The following BID variants were observed in gnomAD, a reference collection of about 807,000 sequenced individuals.
BID encodes BH3 interacting domain death agonist, also known as BH3-interacting domain death agonist.
In BID, 19 loss-of-function variants were observed where a neutral mutation model predicts 17.4. That is an observed-to-expected ratio of 1.09 (90% CI 0.76 to 1.60). The LOEUF (loss-of-function observed/expected upper bound fraction) is 1.60. BID is among the 40% of genes most tolerant of loss of function. The pLI, the probability that BID is intolerant of heterozygous loss-of-function variation, is 0.00. For synonymous variants in BID, 108 were observed against 102.8 expected (o/e 1.05, Z -0.31); for missense variants, 226 against 256.0 (o/e 0.88, Z 0.80).
chr22:17,740,157 T>C, intron 3 of BID: 1 of 1,612,128 alleles, frequency 6.2e-7, no homozygotes, highest in Non-Finnish European at 8.5e-7. Context: ...CAGCACTTGC[T>C]GTGTTATTGT....
chr22:17,739,224 G>C, intron 4 of BID, 125 bp downstream of exon 4: 1 of 1,271,502 alleles, frequency 7.9e-7, no homozygotes. Context: ...TACTTCGTCA[G>C]AGTTCTGGAC....
At chr22:17,737,957 C>T in intron 5 of BID, 60 bp downstream of exon 5, 2 of 1,584,662 alleles carry the variant, frequency 1.3e-6, no homozygotes, top group Non-Finnish European at 1.7e-6. Context: ...GCTTCTCAAC[C>T]TTCCAGAGAA....
chr22:17,752,087 G>A (rs1255021155), intron 1 of BID, among the ~76,000 whole-genome samples: 1 of 152,138 alleles, frequency 6.6e-6, no homozygotes, highest in Non-Finnish European at 1.5e-5. Flanking sequence ...AGTGCCCACT[G>A]TCACCTCTGA....
At chr22:17,738,542 C>T (rs1217083896) in intron 4 of BID, among the ~76,000 whole-genome samples, 1 of 152,134 alleles carries the variant, frequency 6.6e-6, no homozygotes, top group Non-Finnish European at 1.5e-5. Context: ...TGACCACCTG[C>T]GACGCCTTAG....
chr22:17,739,338 CCCT>C lies in BID; in HGVS notation c.363+8_363+10del. On this transcript the variant is annotated splice_region_variant and intron_variant, in intron 4 of 5. Coordinates refer to ENST00000622694, the MANE Select transcript of BID (RefSeq NM_001196.4). ...CTTGCCCGCCCACGCGGTCCTCAGG[CCCT>C]CACTCACCTCCTCCGACCGGCTGGT... 5 of 1,577,446 alleles carry C rather than the reference CCCT, an allele frequency of 3.2e-6. No individual in the cohort carries two copies. The highest frequency in any genetic ancestry group is 4.3e-6 in the Non-Finnish European group (5 of 1,164,538).
At position 17,754,880 on chromosome 22, in the gene BID, T is replaced by C. The variant is rs1238282611; in HGVS notation, c.-58-4706A>G. 3.3e-5 allele frequency among the ~76,000 whole-genome samples: 5 copies of C among 152,176 alleles called. No homozygotes were observed. The East Asian group carries it at 9.7e-4, about 29-fold the overall frequency. ...CCCAGATTCTAGCGATTCTCCTGCC[T>C]TAGCCTCCTGAGTAACTGGGACTAC... On this transcript the variant is annotated intron_variant, in intron 1 of 5. Coordinates refer to ENST00000622694, the MANE Select transcript of BID (RefSeq NM_001196.4).
chr22:17,736,354 G>A lies in BID; in HGVS notation c.577-763C>T, dbSNP rs560667313. Among the ~76,000 whole-genome samples the A allele has an allele frequency of 6.6e-5, 10 of 152,104 alleles. No homozygotes were observed. In the East Asian group the frequency reaches 1.9e-3, roughly 29 times the overall value. On this transcript the variant is annotated intron_variant, in intron 5 of 5. Coordinates refer to ENST00000622694, the MANE Select transcript of BID (RefSeq NM_001196.4). ...TGCCTGTAATCCCAGCTTCTTGGGGGGCTGAGGCAGGAGAATCGCTTGAAC... is the reference window on the plus strand; with the variant it reads ...TGCCTGTAATCCCAGCTTCTTGGGGAGCTGAGGCAGGAGAATCGCTTGAAC...
intron 1 of BID, among the ~76,000 whole-genome samples, chr22:17,766,845 C>T (rs561517317): frequency 3.3e-5 from 5 of 152,142 alleles, no homozygotes; most frequent in Admixed American, 6.5e-5. Context: ...CTGCCTCAGC[C>T]TCCCAAAGTG....
At chr22:17,735,940 T>C (rs2061416414) in intron 5 of BID, among the ~76,000 whole-genome samples, 1 of 152,162 alleles carries the variant, frequency 6.6e-6, no homozygotes, top group Non-Finnish European at 1.5e-5. Flanking sequence ...ACATGGGTGT[T>C]GGTAAAAGCT....
intron 2 of BID, among the ~76,000 whole-genome samples, chr22:17,749,834 C>A (rs1422051181): frequency 6.6e-6 from 1 of 152,236 alleles, no homozygotes; most frequent in African/African-American, 2.4e-5. Context: ...AAACCCAAAG[C>A]CCCCTCGCCC....
At chr22:17,774,076 C>T in intron 1 of BID, 1 of 312,958 alleles carries the variant, frequency 3.2e-6, no homozygotes, top group South Asian at 3.0e-5. Flanking sequence ...TCCCCTGAAT[C>T]CCCAGGCCAC....
chr22:17,744,890 G>A (rs920978091), intron 2 of BID, among the ~76,000 whole-genome samples: 3 of 152,292 alleles, frequency 2.0e-5, no homozygotes, highest in African/African-American at 4.8e-5. Context: ...TGAGATCTGC[G>A]CAGATTCACA....
At position 17,750,139 on chromosome 22, in the gene BID, C is replaced by T. The variant is rs762745532; in HGVS notation, c.-23G>A. On this transcript the variant is annotated 5_prime_UTR_variant, in exon 2 of 6. Coordinates refer to ENST00000622694, the MANE Select transcript of BID (RefSeq NM_001196.4). Reference sequence around the variant, plus strand: ...CATGGCCTGGGCAGCGCGGCAGCTCCGACTCACTCCTGGTTCACAGTGTCC... The same window carrying T: ...CATGGCCTGGGCAGCGCGGCAGCTCTGACTCACTCCTGGTTCACAGTGTCC... 15 of 1,613,186 alleles carry T rather than the reference C, an allele frequency of 9.3e-6. No individual in the cohort carries two copies. In the African/African-American group the frequency reaches 1.1e-4, roughly 11 times the overall value.
intron 1 of BID, among the ~76,000 whole-genome samples, chr22:17,772,699 C>A (rs376928762): frequency 2.0e-5 from 3 of 152,182 alleles, no homozygotes; most frequent in African/African-American, 7.2e-5. Context: ...GGCTCCTGGG[C>A]AGACAGTTCC....
chr22:17,738,137 G>A lies in BID; in HGVS notation c.456C>T (p.Ala152=). The A allele has an allele frequency of 6.2e-7, 1 of 1,613,998 alleles. No individual in the cohort carries two copies. ...MEKEKTMLVL[A]LLLAKKVASH... ...TGGCCACCTTCTTGGCCAGCAGCAG[G>A]GCCAGCACCAGCATGGTCTTCTCCT... is the stretch of plus-strand genomic sequence containing the variant. The change falls in exon 5 of 6, where the codon GCC becomes GCT. Residue 152 remains alanine (A), a synonymous_variant. Transcript: ENST00000622694.
rs1569047807 is a variant in BID, at chr22:17,756,463, CTTTCTTTCTTTCT to C, written c.-58-6302_-58-6290del. Among the ~76,000 whole-genome samples the C allele has an allele frequency of 4.1e-3, 417 of 102,078 alleles. 2 individuals are homozygous for C. The highest frequency in any genetic ancestry group is 0.014 in the African/African-American group (395 of 27,698). The allele number at this position is 102,078 out of a possible 152,430, so 67.0% of individuals were successfully genotyped here. On this transcript the variant is annotated intron_variant, in intron 1 of 5. Coordinates refer to ENST00000622694, the MANE Select transcript of BID (RefSeq NM_001196.4). Reference sequence around the variant, plus strand: ...TCTTTCTTTCTTTCTTTCTTTCTTTCTTTCTTTCTTTCTTTTCTTTCTTTCTTTCTTTCTCTCT... The same window carrying C: ...TCTTTCTTTCTTTCTTTCTTTCTTTCTTTCTTTCTTTCTTTCTTTCTCTCT...
At chr22:17,765,621 G>A (rs5992820) in intron 1 of BID, among the ~76,000 whole-genome samples, 1,646 of 152,222 alleles carry the variant, frequency 0.011, 31 homozygotes, top group African/African-American at 0.037. Context: ...AAGTAAACCC[G>A]TAGAAGTTTA....
chr22:17,743,753 G>T, intron 3 of BID, 50 bp downstream of exon 3: 2 of 1,546,718 alleles, frequency 1.3e-6, no homozygotes, highest in Non-Finnish European at 8.8e-7. Flanking sequence ...GAATGTTACT[G>T]GCGACAGAGA....
In BID at chr22:17,734,493, C is replaced by T. The variant is rs1156792804; in HGVS notation, c.*1087G>A. ...CTGATTCCTGGGACATAGCTTACCA[C>T]TGGAACAGCAGACCAGTGTTGCACT... On this transcript the variant is annotated 3_prime_UTR_variant, in exon 6 of 6. Coordinates refer to ENST00000622694, the MANE Select transcript of BID (RefSeq NM_001196.4). The T allele has an allele frequency of 6.6e-6, 1 of 152,228 alleles. No homozygotes were observed. Among genetic ancestry groups the T allele is most frequent in the African/African-American group, 2.4e-5 (1 of 41,448 alleles). 9.4% of individuals were successfully genotyped at this position (152,228 alleles called of 1,614,324 possible).
Sources: gnomAD v4.1 joint callset for allele counts (sites outside exome capture counted in the v4.1 genomes callset) on GRCh38, gnomAD v4.1.1 for gene constraint, MANE v1.5 for transcripts, NCBI Gene and HGNC (gene_info 2026-07-23, HGNC 2026-07-21) for gene names.